Variants in VTCN1 observed in about 807,000 individuals in gnomAD.
The protein encoded by VTCN1 is V-set domain-containing T-cell activation inhibitor 1.
VTCN1 carries 26 observed loss-of-function variants against 26.5 expected under a neutral mutation model. The ratio of observed to expected loss-of-function variants is 0.98; its 90% CI spans 0.72 to 1.36. VTCN1 has a LOEUF of 1.36. Among genes scored for constraint, VTCN1 ranks in the 40% most tolerant of loss-of-function variants. VTCN1 has a pLI of 0.00. For missense variants in VTCN1, 298 were observed against 337.7 expected (o/e 0.88, Z 0.92); for synonymous variants, 116 against 130.7 (o/e 0.89, Z 0.77).
chr1:117,154,097 T>G (rs1445531336), intron 3 of VTCN1, among the ~76,000 whole-genome samples: 3 of 152,192 alleles, frequency 2.0e-5, no homozygotes, highest in Non-Finnish European at 4.4e-5. Flanking sequence ...TTCCTTTACC[T>G]GGGACTGAGC....
intron 1 of VTCN1, among the ~76,000 whole-genome samples, chr1:117,190,743 C>T (rs1413642035): frequency 1.3e-5 from 2 of 152,318 alleles, no homozygotes; most frequent in East Asian, 1.9e-4. Flanking sequence ...GGAGGCAATA[C>T]CATCACTCCA....
Position 117,147,576 on chromosome 1 carries a change from A to G in VTCN1, c.*45+37T>C, listed in dbSNP as rs1651575960. The G allele has an allele frequency of 1.3e-6, 2 of 1,549,730 alleles. No homozygotes were observed. The highest frequency in any genetic ancestry group is 4.0e-5 in the Admixed American group (2 of 50,492). On this transcript the variant is annotated intron_variant, in intron 5 of 5. Coordinates refer to ENST00000369458, the MANE Select transcript of VTCN1 (RefSeq NM_024626.4). The surrounding 1 kb of genome is among the most constrained non-coding windows in gnomAD (Gnocchi z 4.6). The stretch of plus-strand genomic sequence containing the variant: ...TCTCATTAGGAGCACAAGCACCCAC[A>G]GAACCAATATCCCACACTATTTGTG...
chr1:117,210,720 T>C (rs1649307836), intron 1 of VTCN1, 104 bp downstream of exon 1: 1 of 1,248,162 alleles, frequency 8.0e-7, no homozygotes. Context: ...CAGATAAAAT[T>C]ACAGGTGGGG....
Position 117,167,578 on chromosome 1 carries a change from GT to G in VTCN1, c.97+2528del, listed in dbSNP as rs1319459996. On this transcript the variant is annotated intron_variant, in intron 2 of 5. Transcript: ENST00000369458. The surrounding 1 kb of genome is among the most constrained non-coding windows in gnomAD (Gnocchi z 4.1). Reference sequence around the variant, plus strand: ...CAAAATTCCACAACACCCAGTATTGGTGAGGGTGTGGAGAGCTTGATCTCTC... The same window carrying G: ...CAAAATTCCACAACACCCAGTATTGGGAGGGTGTGGAGAGCTTGATCTCTC... Among the ~76,000 whole-genome samples the G allele has an allele frequency of 1.3e-5, 2 of 152,208 alleles. No homozygotes were observed. Among genetic ancestry groups the G allele is most frequent in the Admixed American group, 1.3e-4 (2 of 15,280 alleles).
rs1652793303 is a variant in VTCN1 at position 117,169,639 on chromosome 1, TC to T, written c.97+467del. 6.6e-6 allele frequency among the ~76,000 whole-genome samples: 1 copy of T among 152,176 alleles called. No homozygotes were observed. The highest frequency in any genetic ancestry group is 1.5e-5 in the Non-Finnish European group (1 of 68,034). On this transcript the variant is annotated intron_variant, in intron 2 of 5. Transcript: ENST00000369458. The surrounding 1 kb of genome is among the most constrained non-coding windows in gnomAD (Gnocchi z 4.0). The stretch of plus-strand genomic sequence containing the variant: ...TGGGCACGGTGGCTCAGGCCGGCAA[TC>T]CCAGCACTTTGGGAGGCCGAGGCAG...
intron 2 of VTCN1, among the ~76,000 whole-genome samples, chr1:117,162,569 C>A (rs189528700): frequency 2.6e-5 from 4 of 152,238 alleles, no homozygotes; most frequent in Non-Finnish European, 2.9e-5. Flanking sequence ...ATAGAGAATT[C>A]TATTAAATGG....
rs929256544 is a variant in VTCN1, at chr1:117,169,861, C to T, written c.97+246G>A. On this transcript the variant is annotated intron_variant, in intron 2 of 5. Transcript: ENST00000369458. This position sits in a 1 kb window ranked among gnomAD's most constrained non-coding sequence, Gnocchi z 4.0. ...AGTAAGCTGAGATCATGCCACTGCA[C>T]TCCAACCTGGGCAACAGAGCCAGAC... is the stretch of plus-strand genomic sequence containing the variant. Among the ~76,000 whole-genome samples the T allele has an allele frequency of 1.3e-5, 2 of 152,114 alleles. No individual in the cohort carries two copies. The highest frequency in any genetic ancestry group is 4.8e-5 in the African/African-American group (2 of 41,402).
chr1:117,179,080 A>G (rs1647546829), intron 1 of VTCN1, among the ~76,000 whole-genome samples: 1 of 152,162 alleles, frequency 6.6e-6, no homozygotes, highest in South Asian at 2.1e-4. Context: ...TTTTTGGCCC[A>G]CACTTTAAAA....
At chr1:117,187,190 A>G (rs1647984498) in intron 1 of VTCN1, among the ~76,000 whole-genome samples, 1 of 151,602 alleles carries the variant, frequency 6.6e-6, no homozygotes, top group Non-Finnish European at 1.5e-5. Flanking sequence ...GCGCACCTGC[A>G]GTCCCAGCTA....
chr1:117,170,443 C>T (rs1652849436), intron 1 of VTCN1: 1 of 496,290 alleles, frequency 2.0e-6, no homozygotes, highest in African/African-American at 2.0e-5. Flanking sequence ...TCAGGGAAGA[C>T]CATATATGGA....
In VTCN1 at chr1:117,146,679, C is replaced by T. The variant is rs1435872075; in HGVS notation, c.*45+934G>A. On this transcript the variant is annotated intron_variant, in intron 5 of 5. Coordinates refer to ENST00000369458, the MANE Select transcript of VTCN1 (RefSeq NM_024626.4). This position sits in a 1 kb window ranked among gnomAD's most constrained non-coding sequence, Gnocchi z 4.2. Reference sequence around the variant, plus strand: ...ATGGTAGTTAGCAGGTAGTGGTAGGCAGCAGTAGTGGTAGGTAGTAATGGT... The same window carrying T: ...ATGGTAGTTAGCAGGTAGTGGTAGGTAGCAGTAGTGGTAGGTAGTAATGGT... Among the ~76,000 whole-genome samples the T allele has an allele frequency of 6.6e-6, 1 of 152,094 alleles. No homozygotes were observed. The highest frequency in any genetic ancestry group is 1.5e-5 in the Non-Finnish European group (1 of 68,018).
intron 2 of VTCN1, among the ~76,000 whole-genome samples, chr1:117,166,153 C>T (rs1306024273): frequency 6.6e-6 from 1 of 152,212 alleles, no homozygotes; most frequent in African/African-American, 2.4e-5. Context: ...ACTTACGGAG[C>T]ACCCTGTGCA....
At position 117,144,087 on chromosome 1, in the gene VTCN1, G is replaced by T. The variant is rs1241106993; in HGVS notation, c.*1184C>A. On this transcript the variant is annotated 3_prime_UTR_variant, in exon 6 of 6. Transcript: ENST00000369458. ...CGATAGAGTTCTGGCTCTCTGTGCT[G>T]AGGCAGCAGCCAAAGAGACAGAATG... is the stretch of plus-strand genomic sequence containing the variant. The T allele has an allele frequency of 2.0e-5, 3 of 152,260 alleles. No individual in the cohort carries two copies. The highest frequency in any genetic ancestry group is 4.4e-5 in the Non-Finnish European group (3 of 68,066). 9.4% of individuals were successfully genotyped at this position (152,260 alleles called of 1,614,324 possible). A position where few individuals can be genotyped will look rare whatever the true frequency, so the allele number is the denominator to read the frequency against.
At chr1:117,150,154 T>A (rs537419823) in intron 4 of VTCN1, among the ~76,000 whole-genome samples, 91 of 152,306 alleles carry the variant, frequency 6.0e-4, no homozygotes, top group Non-Finnish European at 1.1e-3. Context: ...TGGGAAGGCC[T>A]TTCATCAGAT....
chr1:117,172,515 G>A (rs1415483410), intron 1 of VTCN1: 6 of 517,946 alleles, frequency 1.2e-5, no homozygotes, highest in South Asian at 2.8e-5. Context: ...ACAGGCAGCC[G>A]ACTTGTGTGT....
chr1:117,196,458 T>C (rs1054171353), intron 1 of VTCN1, among the ~76,000 whole-genome samples: 3 of 151,298 alleles, frequency 2.0e-5, no homozygotes, highest in African/African-American at 7.3e-5. Context: ...ATATAAATAG[T>C]GGTTATCTCT....
At chr1:117,180,860 G>T (rs1647639773) in intron 1 of VTCN1, among the ~76,000 whole-genome samples, 1 of 152,156 alleles carries the variant, frequency 6.6e-6, no homozygotes, top group Non-Finnish European at 1.5e-5. Flanking sequence ...CACTGCTCAG[G>T]GACAGCCTGA....
chr1:117,169,011 A>G lies in VTCN1; in HGVS notation c.97+1096T>C, dbSNP rs1652758447. ...CTTTGTGACAGTATTGAGTGCCAGC[A>G]TGTCTACACTGGAGAAGCATGGCAG... On this transcript the variant is annotated intron_variant, in intron 2 of 5. Transcript: ENST00000369458. This position sits in a 1 kb window ranked among gnomAD's most constrained non-coding sequence, Gnocchi z 4.0. 6.6e-6 allele frequency among the ~76,000 whole-genome samples: 1 copy of G among 152,244 alleles called. No individual in the cohort carries two copies. Among genetic ancestry groups the G allele is most frequent in the Admixed American group, 6.5e-5 (1 of 15,290 alleles).
intron 1 of VTCN1, among the ~76,000 whole-genome samples, chr1:117,184,708 A>C (rs551462743): frequency 2.0e-5 from 3 of 152,290 alleles, no homozygotes; most frequent in African/African-American, 7.2e-5. Context: ...TTGGGAGGAT[A>C]GTGCCTGGCA....
Sources: gnomAD v4.1 joint callset for allele counts (sites outside exome capture counted in the v4.1 genomes callset) on GRCh38, gnomAD v4.1.1 for gene constraint, Gnocchi (gnomAD v3.1) non-coding constraint, MANE v1.5 for transcripts, NCBI Gene and HGNC (gene_info 2026-07-23, HGNC 2026-07-21) for gene names.